THEMIS: variants seen among roughly 807,000 people sequenced by gnomAD.
THEMIS encodes thymocyte selection associated.
In THEMIS, 37 loss-of-function variants were observed where a neutral mutation model predicts 52.6. The observed-to-expected ratio is 0.70, with a 90% confidence interval of 0.54 to 0.93. The LOEUF (loss-of-function observed/expected upper bound fraction) is 0.93, where lower values mean the gene tolerates loss of function less well. THEMIS is among the 40% of genes least tolerant of loss of function. The pLI is 0.00. For missense variants in THEMIS, 808 were observed against 763.1 expected, an observed-to-expected ratio of 1.06 and a Z score of -0.69; for synonymous variants, 292 against 272.7, an observed-to-expected ratio of 1.07 and a Z score of -0.70.
chr6:127,852,771 C>G (rs1229150449), intron 2 of THEMIS, among the ~76,000 whole-genome samples: 1 of 151,534 alleles, frequency 6.6e-6, no homozygotes, highest in Non-Finnish European at 1.5e-5. Flanking sequence ...ATCCCTGTAT[C>G]TGGGATCCCT....
At chr6:127,848,669 T>C (rs1025338497) in intron 2 of THEMIS, among the ~76,000 whole-genome samples, 2 of 152,326 alleles carry the variant, frequency 1.3e-5, no homozygotes, top group African/African-American at 4.8e-5. Flanking sequence ...ATTCCTCTGA[T>C]GGCCAGTGAT....
intron 1 of THEMIS, among the ~76,000 whole-genome samples, chr6:127,900,075 A>C (rs1227743516): frequency 2.6e-5 from 4 of 151,670 alleles, no homozygotes; most frequent in Non-Finnish European, 5.9e-5. Flanking sequence ...TGTTTCTACA[A>C]CTGCTTCAAT....
At chr6:127,755,437 C>A (rs531279640) in intron 4 of THEMIS, among the ~76,000 whole-genome samples, 7 of 152,152 alleles carry the variant, frequency 4.6e-5, no homozygotes, top group African/African-American at 1.4e-4. Flanking sequence ...CCAAAATATA[C>A]ATTTTTTTTT....
intron 4 of THEMIS, among the ~76,000 whole-genome samples, chr6:127,781,058 T>C (rs1776727343): frequency 6.6e-6 from 1 of 152,128 alleles, no homozygotes; most frequent in Non-Finnish European, 1.5e-5. Context: ...TCTTTTCACA[T>C]AGTCCTATAT....
intron 4 of THEMIS, among the ~76,000 whole-genome samples, chr6:127,776,388 T>C (rs1268790822): frequency 1.3e-5 from 2 of 152,354 alleles, no homozygotes; most frequent in East Asian, 3.9e-4. Context: ...GCTTCTGTCT[T>C]AGATACTCTT....
intron 4 of THEMIS, among the ~76,000 whole-genome samples, chr6:127,795,933 G>C (rs1777317592): frequency 1.3e-5 from 2 of 152,090 alleles, no homozygotes; most frequent in South Asian, 2.1e-4. Context: ...AGAAAAGACA[G>C]GTAAAGGATT....
At chr6:127,761,850 TC>T (rs1438517404) in intron 4 of THEMIS, among the ~76,000 whole-genome samples, 2 of 152,094 alleles carry the variant, frequency 1.3e-5, no homozygotes, top group African/African-American at 2.4e-5. Context: ...ATGGAGACTC[TC>T]AAAAAATTAA....
At chr6:127,764,001 T>TATAATTTAATTAGATGTAGTTAA (rs1438609220) in intron 4 of THEMIS, among the ~76,000 whole-genome samples, 19 of 151,960 alleles carry the variant, frequency 1.3e-4, no homozygotes, top group Non-Finnish European at 2.4e-4. Flanking sequence ...TCCTAAAATC[T>TATAATTTAATTAGATGTAGTTAA]GGTTTAATTA....
chr6:127,890,290 A>G (rs1169773451), intron 1 of THEMIS, among the ~76,000 whole-genome samples: 1 of 152,176 alleles, frequency 6.6e-6, no homozygotes, highest in Non-Finnish European at 1.5e-5. Context: ...AACATGTAGT[A>G]TTTTCAATAA....
intron 4 of THEMIS, among the ~76,000 whole-genome samples, chr6:127,766,312 T>C (rs561813567): frequency 8.5e-5 from 13 of 152,312 alleles, no homozygotes; most frequent in African/African-American, 3.1e-4. Context: ...CTGATTGATG[T>C]TGTAACCAAC....
intron 2 of THEMIS, among the ~76,000 whole-genome samples, chr6:127,848,019 T>G (rs1010144213): frequency 3.3e-5 from 5 of 151,096 alleles, no homozygotes; most frequent in African/African-American, 1.2e-4. Flanking sequence ...CTGCACCCAT[T>G]AACTCGTCAT....
chr6:127,887,345 G>A (rs1274670706), intron 1 of THEMIS, among the ~76,000 whole-genome samples: 5 of 152,034 alleles, frequency 3.3e-5, no homozygotes, highest in South Asian at 4.1e-4. Context: ...TGGCTATAAA[G>A]GGAGAAAATA....
chr6:127,705,742 G>C (rs997565553), downstream of THEMIS, among the ~76,000 whole-genome samples: 1 of 152,152 alleles, frequency 6.6e-6, no homozygotes, highest in Admixed American at 6.6e-5. Context: ...TTTGTCACAA[G>C]GGAGATGCAA....
intron 1 of THEMIS, among the ~76,000 whole-genome samples, chr6:127,856,503 G>T (rs2114307199): frequency 6.6e-6 from 1 of 152,066 alleles, no homozygotes; most frequent in East Asian, 1.9e-4. Flanking sequence ...CCAGAAGCCA[G>T]AGGACAAGCG....
chr6:127,718,478 C>T (rs1774248594), intron 5 of THEMIS, among the ~76,000 whole-genome samples: 1 of 151,890 alleles, frequency 6.6e-6, no homozygotes, highest in Non-Finnish European at 1.5e-5. Flanking sequence ...ACTGCTGTAC[C>T]ATCCCAGAAA....
chr6:127,881,891 T>A (rs1780494810), intron 1 of THEMIS, among the ~76,000 whole-genome samples: 1 of 151,640 alleles, frequency 6.6e-6, no homozygotes, highest in African/African-American at 2.4e-5. Flanking sequence ...TTTAAAAATA[T>A]AATGGCTACA....
At chr6:127,788,949 G>A (rs577623262) in intron 4 of THEMIS, among the ~76,000 whole-genome samples, 17 of 152,000 alleles carry the variant, frequency 1.1e-4, no homozygotes, top group South Asian at 2.1e-4. Flanking sequence ...AATCGACACC[G>A]TAACATCACA....
At chr6:127,824,883 C>T (rs1198396561) in intron 3 of THEMIS, among the ~76,000 whole-genome samples, 1 of 152,088 alleles carries the variant, frequency 6.6e-6, no homozygotes, top group Non-Finnish European at 1.5e-5. Context: ...GGAGATTGCG[C>T]CACTGCACTC....
At chr6:127,760,573 C>T (rs1775987637) in intron 4 of THEMIS, among the ~76,000 whole-genome samples, 1 of 152,016 alleles carries the variant, frequency 6.6e-6, no homozygotes, top group African/African-American at 2.4e-5. Flanking sequence ...CTACTTGAGG[C>T]TAGGAGTTCA....
Sources: allele counts gnomAD v4.1 joint callset (sites outside exome capture counted in the v4.1 genomes callset), GRCh38; gene constraint gnomAD v4.1.1; transcripts MANE v1.5; gene names NCBI Gene and HGNC (gene_info 2026-07-23, HGNC 2026-07-21).